The following COL22A1 variants were observed in gnomAD, a reference collection of about 807,000 sequenced individuals.
COL22A1 encodes collagen type XXII alpha 1 chain.
Under a neutral mutation model 248.9 loss-of-function variants are expected in COL22A1, and 221 were observed. That is an observed-to-expected ratio of 0.89 (90% CI 0.80 to 0.99). COL22A1 has a LOEUF of 0.99. Among genes scored for constraint, COL22A1 ranks in the 50% least tolerant of loss-of-function variants. COL22A1 has a pLI of 0.00. For missense variants in COL22A1, 2,240 were observed against 2,179.0 expected, an observed-to-expected ratio of 1.03 and a Z score of -0.56; for synonymous variants, 891 against 793.4, an observed-to-expected ratio of 1.12 and a Z score of -2.07.
At chr8:138,862,026 T>TAAAAAAA (rs386414193) in intron 3 of COL22A1, among the ~76,000 whole-genome samples, 49 of 93,206 alleles carry the variant, frequency 5.3e-4, no homozygotes, top group South Asian at 9.9e-4. Context: ...CTGTCTCTAC[T>TAAAAAAA]AAAAAAAAAA....
intron 30 of COL22A1, among the ~76,000 whole-genome samples, chr8:138,706,345 C>A (rs966437826): frequency 6.6e-6 from 1 of 152,196 alleles, no homozygotes; most frequent in Admixed American, 6.5e-5. Context: ...TTCTTCTCAG[C>A]ACCACATCTC....
At chr8:138,636,045 G>A (rs781426184) in intron 48 of COL22A1, among the ~76,000 whole-genome samples, 1 of 152,172 alleles carries the variant, frequency 6.6e-6, no homozygotes. Flanking sequence ...GCAGAAGAGA[G>A]GGAGAAGTAA....
chr8:138,800,102 G>T, intron 11 of COL22A1, among the ~76,000 whole-genome samples: 1 of 152,190 alleles, frequency 6.6e-6, no homozygotes, highest in East Asian at 1.9e-4. Flanking sequence ...CTCTGGAACT[G>T]GGAGCTGGGA....
chr8:138,769,531 C>T (rs1012250264), intron 16 of COL22A1, among the ~76,000 whole-genome samples: 5 of 152,150 alleles, frequency 3.3e-5, no homozygotes, highest in Non-Finnish European at 5.9e-5. Context: ...ACCCAAAGGG[C>T]TGCCTTGTCC....
At position 138,591,485 on chromosome 8, in the gene COL22A1, T is replaced by G; in HGVS notation, c.4632A>C (p.Lys1544Asn). 1 of 1,558,846 alleles carries G rather than the reference T, an allele frequency of 6.4e-7. No individual in the cohort carries two copies. The highest frequency in any genetic ancestry group is 8.7e-7 in the Non-Finnish European group (1 of 1,150,468). The part of the protein sequence containing the change: ...PIGPKGERGA[K>N]GDPGAPGVGL... ...CAACTCCAGGTGCACCTGGGTCACC[T>G]TTGGCTCCTCGCTCACCTGGGAAGA... Residue 1544 changes from lysine to asparagine, a missense_variant, in exon 64 of 65, where the codon AAA becomes AAC. By Grantham distance (94) the Lys-to-Asn change is moderately conservative (BLOSUM62 0). Transcript: ENST00000303045.
chr8:138,776,355 C>A (rs1180705507), intron 15 of COL22A1, among the ~76,000 whole-genome samples: 2 of 152,146 alleles, frequency 1.3e-5, no homozygotes, highest in Admixed American at 6.5e-5. Context: ...TCAGTTCCCC[C>A]CAAGACACTA....
chr8:138,882,268 AT>A (rs1420426932), intron 2 of COL22A1, among the ~76,000 whole-genome samples: 1 of 151,780 alleles, frequency 6.6e-6, no homozygotes, highest in African/African-American at 2.4e-5. Context: ...ACACACACTC[AT>A]CCCCTCACAT....
intron 27 of COL22A1, 71 bp from the exon 28 acceptor site, chr8:138,716,940 G>T: frequency 8.7e-7 from 1 of 1,153,690 alleles, no homozygotes; most frequent in Non-Finnish European, 1.3e-6. Flanking sequence ...TTTCCCAGTT[G>T]TCCTCACACA....
At chr8:138,684,995 C>T (rs1163001653) in intron 38 of COL22A1, among the ~76,000 whole-genome samples, 3 of 152,222 alleles carry the variant, frequency 2.0e-5, no homozygotes, top group Non-Finnish European at 4.4e-5. Context: ...CCTGTCTCAT[C>T]CATCTCTGTA....
intron 35 of COL22A1, among the ~76,000 whole-genome samples, chr8:138,692,298 G>T (rs1362531366): frequency 2.0e-3 from 2 of 976 alleles, no homozygotes; most frequent in Non-Finnish European, 5.1e-3. Flanking sequence ...GTGCATGTTT[G>T]CGGAGGTGTA....
intron 40 of COL22A1, among the ~76,000 whole-genome samples, chr8:138,677,507 G>GTGTT (rs1554744578): frequency 1.1e-5 from 1 of 93,592 alleles, no homozygotes; most frequent in Admixed American, 1.1e-4. Flanking sequence ...GGCCAAGGCC[G>GTGTT]AGCCACGCCT....
chr8:138,696,190 T>C (rs1402945020), intron 32 of COL22A1, among the ~76,000 whole-genome samples: 1 of 152,168 alleles, frequency 6.6e-6, no homozygotes, highest in Non-Finnish European at 1.5e-5. Context: ...AGAGCACGTG[T>C]ACCCAGAAAG....
rs149780304 is a variant in COL22A1 at position 138,678,229 on chromosome 8, G to T, written c.3072+1388C>A. Among the ~76,000 whole-genome samples, 138 of 152,294 alleles carry T rather than the reference G, an allele frequency of 9.1e-4. 1 individual carries two copies. The East Asian group carries it at 0.024, about 26-fold the overall frequency. On this transcript the variant is annotated intron_variant, in intron 40 of 64. Transcript: ENST00000303045. ...TCAGTGCTAAGTTCAGAAGAGAAGG[G>T]ATGTTCATGGGGATATGAAGGAACA...
At chr8:138,866,096 CA>C (rs1226312880) in intron 3 of COL22A1, among the ~76,000 whole-genome samples, 3 of 151,972 alleles carry the variant, frequency 2.0e-5, no homozygotes, top group African/African-American at 7.3e-5. Context: ...ATCAAAAGGA[CA>C]AAGACAGGAC....
rs375740091 is a variant in COL22A1 at position 138,805,179 on chromosome 8, GGTGT to G, written c.1495-2249_1495-2246del. On this transcript the variant is annotated intron_variant, in intron 10 of 64. Coordinates refer to ENST00000303045, the MANE Select transcript of COL22A1 (RefSeq NM_152888.3). ...TATGTGCATGAGGGTGTGTGTGTGT[GGTGT>G]GTGTGTGTGATTGGGTGTGTGATGG... Among the ~76,000 whole-genome samples, 263 of 137,562 alleles carry G rather than the reference GGTGT, an allele frequency of 1.9e-3. 2 individuals carry two copies. Among genetic ancestry groups the G allele is most frequent in the African/African-American group, 7.0e-3 (250 of 35,932 alleles). The allele number at this position is 137,562 out of a possible 152,430, so 90.2% of individuals were successfully genotyped here. A position where few individuals can be genotyped will look rare whatever the true frequency, so the allele number is the denominator to read the frequency against.
At chr8:138,708,539 G>C (rs548338066) in intron 30 of COL22A1, among the ~76,000 whole-genome samples, 2 of 152,254 alleles carry the variant, frequency 1.3e-5, no homozygotes, top group South Asian at 4.1e-4. Flanking sequence ...AATGGGAAAA[G>C]GATTCCCTAT....
chr8:138,862,026 TAAAAAAAAAA>T (rs386414193), intron 3 of COL22A1, among the ~76,000 whole-genome samples: 16 of 93,274 alleles, frequency 1.7e-4, no homozygotes, highest in African/African-American at 5.6e-4. Context: ...CTGTCTCTAC[TAAAAAAAAAA>T]AAAAAAAAAA....
At chr8:138,625,996 A>G (rs753257789) in intron 51 of COL22A1, among the ~76,000 whole-genome samples, 194 bp downstream of exon 51, 5 of 152,194 alleles carry the variant, frequency 3.3e-5, no homozygotes, top group Non-Finnish European at 7.3e-5. Context: ...CAAGATTAAG[A>G]CTGATTCTAC....
chr8:138,667,098 T>C (rs1824567206), intron 41 of COL22A1, among the ~76,000 whole-genome samples: 1 of 152,190 alleles, frequency 6.6e-6, no homozygotes, highest in African/African-American at 2.4e-5. Flanking sequence ...AAGATAAAGG[T>C]GTGCTGAAGA....
Sources: gnomAD v4.1 joint callset for allele counts (sites outside exome capture counted in the v4.1 genomes callset) on GRCh38, gnomAD v4.1.1 for gene constraint, MANE v1.5 for transcripts, NCBI Gene and HGNC (gene_info 2026-07-23, HGNC 2026-07-21) for gene names.